GLIPR1: variants seen among roughly 807,000 people sequenced by gnomAD.
GLIPR1 encodes the protein GLI pathogenesis related 1.
GLIPR1 carries 38 observed loss-of-function variants against 30.3 expected under a neutral mutation model. The observed-to-expected ratio is 1.26, with a 90% CI of 0.97 to 1.65. GLIPR1 has a LOEUF of 1.65. Ranked by LOEUF, GLIPR1 falls within the 40% of genes most tolerant of loss-of-function variation. The pLI is 0.00. For synonymous variants in GLIPR1, 122 were observed against 110.6 expected, an observed-to-expected ratio of 1.10 and a Z score of -0.65; for missense variants, 285 against 326.5, an observed-to-expected ratio of 0.87 and a Z score of 0.98.
In GLIPR1 at chr12:75,503,845, CTGACCA is replaced by C; in HGVS notation, c.*4868_*4873del. 6.9e-7 allele frequency: 1 copy of C among 1,448,090 alleles called. No homozygotes were observed. Among genetic ancestry groups the C allele is most frequent in the Non-Finnish European group, 9.4e-7 (1 of 1,064,642 alleles). The allele number at this position is 1,448,090 out of a possible 1,614,324, so 89.7% of individuals were successfully genotyped here. On this transcript the variant is annotated 3_prime_UTR_variant, in exon 6 of 6. Coordinates refer to ENST00000266659, the MANE Select transcript of GLIPR1 (RefSeq NM_006851.3). ...ACCTGAAATACTTTCAATAAAGTTT[CTGACCA>C]AATACATTAAAATAGATTCTCCTTC...
At chr12:75,487,740 TGTCACAGGAAAGGG>T in intron 2 of GLIPR1, 1 of 456,228 alleles carries the variant, frequency 2.2e-6, no homozygotes, top group Non-Finnish European at 4.4e-6. Flanking sequence ...TCCCTCCAGG[TGTCACAGGAAAGGG>T]GTCGGGATCC....
intron 3 of GLIPR1, chr12:75,494,872 T>TA: frequency 6.6e-6 from 1 of 152,340 alleles, no homozygotes; most frequent in East Asian, 1.9e-4. Flanking sequence ...CCTCTAGCTA[T>TA]ATAATGGGTA....
rs1012329521 is a variant in GLIPR1 at position 75,502,995 on chromosome 12, A to C, written c.*4017A>C. The stretch of plus-strand genomic sequence containing the variant: ...AGACTCCAACCATGGTTGTGGAAAA[A>C]AGAGATGTAGAAAGCAATGAGTTCA... On this transcript the variant is annotated 3_prime_UTR_variant, in exon 6 of 6. Coordinates refer to ENST00000266659, the MANE Select transcript of GLIPR1 (RefSeq NM_006851.3). 4 of 152,000 alleles carry C rather than the reference A, an allele frequency of 2.6e-5. No homozygotes were observed. The highest frequency in any genetic ancestry group is 9.7e-5 in the African/African-American group (4 of 41,410). The allele number at this position is 152,000 out of a possible 1,614,324, so 9.4% of individuals were successfully genotyped here. A position where few individuals can be genotyped will look rare whatever the true frequency, so the allele number is the denominator to read the frequency against.
chr12:75,485,143 C>T (rs2046287643), intron 2 of GLIPR1, among the ~76,000 whole-genome samples: 1 of 152,204 alleles, frequency 6.6e-6, no homozygotes, highest in South Asian at 2.1e-4. Context: ...TTATCCTCAT[C>T]TTCTCTTCAA....
At chr12:75,498,399 A>AT (rs1040568780) in intron 4 of GLIPR1, 17 of 225,814 alleles carry the variant, frequency 7.5e-5, no homozygotes, top group African/African-American at 3.6e-4. Context: ...TTTAATTTTT[A>AT]TTTTTTAAAT....
In GLIPR1 at chr12:75,498,798, G is replaced by C. The variant is rs905074546; in HGVS notation, c.647-26G>C. 3.7e-6 allele frequency: 6 copies of C among 1,611,646 alleles called. No individual in the cohort carries two copies. The African/African-American group carries it at 8.0e-5, about 22-fold the overall frequency. ...GTGCATTATGAGGAACAATGTCTAA[G>C]AGGATATTCTATGTTTGTTTCACAG... On this transcript the variant is annotated intron_variant, in intron 5 of 5. Coordinates refer to ENST00000266659, the MANE Select transcript of GLIPR1 (RefSeq NM_006851.3).
In GLIPR1 at chr12:75,503,728, G is replaced by T; in HGVS notation, c.*4750G>T. ...TGAACGCCCCACTGCACACCCCCAT[G>T]CACTCAGCTCAAAATATGCCTATTT... On this transcript the variant is annotated 3_prime_UTR_variant, in exon 6 of 6. Transcript: ENST00000266659. 2.0e-6 allele frequency: 1 copy of T among 501,008 alleles called. No individual in the cohort carries two copies. The highest frequency in any genetic ancestry group is 3.4e-6 in the Non-Finnish European group (1 of 290,230). 31.0% of individuals were successfully genotyped at this position (501,008 alleles called of 1,614,324 possible). A position where few individuals can be genotyped will look rare whatever the true frequency, so the allele number is the denominator to read the frequency against.
At chr12:75,483,287 A>T (rs2120496059) in intron 2 of GLIPR1, among the ~76,000 whole-genome samples, 1 of 152,338 alleles carries the variant, frequency 6.6e-6, no homozygotes, top group East Asian at 1.9e-4. Context: ...TACAAGTGGT[A>T]CTTGTACTGT....
Position 75,480,905 on chromosome 12 carries a change from G to A in GLIPR1, c.25G>A (p.Ala9Thr). 6.2e-7 allele frequency: 1 copy of A among 1,613,310 alleles called. No homozygotes were observed. The highest frequency in any genetic ancestry group is 8.5e-7 in the Non-Finnish European group (1 of 1,179,566). The change falls in exon 1 of 6, where the codon GCC (alanine) becomes ACC (threonine). Residue 9 changes from alanine (A) to threonine (T), a missense_variant. By Grantham distance (58) the Ala-to-Thr change is moderately conservative. Coordinates refer to ENST00000266659, the MANE Select transcript of GLIPR1 (RefSeq NM_006851.3). ...CATGCGTGTCACACTTGCTACAATA[G>A]CCTGGATGGTTTCTTTTGTCTCCAA... is the stretch of plus-strand genomic sequence containing the variant. MRVTLATI[A>T]WMVSFVSNYS...
At position 75,495,574 on chromosome 12, in the gene GLIPR1, C is replaced by T; in HGVS notation, c.534-3C>T. On this transcript the variant is annotated splice_polypyrimidine_tract_variant and splice_region_variant and intron_variant, in intron 3 of 5. Coordinates refer to ENST00000266659, the MANE Select transcript of GLIPR1 (RefSeq NM_006851.3). ...TAATGGACATCCTTCTTCTGCTTTA[C>T]AGAGGGAATTACCCAACTTGGCCAT... 1 of 1,570,360 alleles carries T rather than the reference C, an allele frequency of 6.4e-7. No homozygotes were observed. Among genetic ancestry groups the T allele is most frequent in the South Asian group, 1.1e-5 (1 of 90,154 alleles).
chr12:75,488,133 G>C (rs1384270060), intron 2 of GLIPR1, among the ~76,000 whole-genome samples: 1 of 152,112 alleles, frequency 6.6e-6, no homozygotes, highest in Non-Finnish European at 1.5e-5. Context: ...CAAGGTCTTT[G>C]ACCTGTATCT....
chr12:75,495,850 GTTCT>G (rs2046347499), intron 4 of GLIPR1, 188 bp downstream of exon 4: 2 of 412,586 alleles, frequency 4.8e-6, no homozygotes, highest in Non-Finnish European at 8.8e-6. Context: ...TGAAAATCAC[GTTCT>G]TTTTATTTAG....
Position 75,501,755 on chromosome 12 carries a change from G to A in GLIPR1, c.*2777G>A. On this transcript the variant is annotated 3_prime_UTR_variant, in exon 6 of 6. Transcript: ENST00000266659. ...AGGTTTCACAATTGGTTTTTCCTTAGGTGGAATAAATGCTTTGTTTCTTTC... is the reference window on the plus strand; with the variant it reads ...AGGTTTCACAATTGGTTTTTCCTTAAGTGGAATAAATGCTTTGTTTCTTTC... 6.2e-7 allele frequency: 1 copy of A among 1,610,528 alleles called. No individual in the cohort carries two copies. The highest frequency in any genetic ancestry group is 8.5e-7 in the Non-Finnish European group (1 of 1,177,982).
At chr12:75,485,068 C>A (rs1331558345) in intron 2 of GLIPR1, among the ~76,000 whole-genome samples, 1 of 152,188 alleles carries the variant, frequency 6.6e-6, no homozygotes, top group Non-Finnish European at 1.5e-5. Flanking sequence ...GGACTCAAAA[C>A]TACTCAATTG....
At chr12:75,491,527 C>A (rs1209099600) in intron 3 of GLIPR1, 2 of 152,206 alleles carry the variant, frequency 1.3e-5, no homozygotes, top group Non-Finnish European at 2.9e-5. Flanking sequence ...GAGATACTAG[C>A]ACGTAAAGAC....
At chr12:75,498,662 A>ATT in intron 4 of GLIPR1, 32 bp from the exon 5 acceptor site, 1 of 1,585,710 alleles carries the variant, frequency 6.3e-7, no homozygotes, top group Non-Finnish European at 8.7e-7. Context: ...TACCCTTTTA[A>ATT]TTTTTTTTCT....
At chr12:75,487,335 A>G (rs1025264196) in intron 2 of GLIPR1, among the ~76,000 whole-genome samples, 24 of 152,244 alleles carry the variant, frequency 1.6e-4, no homozygotes, top group African/African-American at 5.8e-4. Flanking sequence ...TGAGATATAG[A>G]ATAAAATTAA....
At chr12:75,495,393 G>A (rs77433218) in intron 3 of GLIPR1, 184 bp from the exon 4 acceptor site, 5,599 of 548,458 alleles carry the variant, frequency 0.01, 245 homozygotes, top group African/African-American at 0.096. Flanking sequence ...CAGGTACATA[G>A]AATGAACTAT....
rs1172650833 is a variant in GLIPR1, at chr12:75,499,539, A to G, written c.*561A>G. ...AGGGAACATCAAATGCTGGGACATCATTACTAACCAATAGCATCAGACACT... is the reference window on the plus strand; with the variant it reads ...AGGGAACATCAAATGCTGGGACATCGTTACTAACCAATAGCATCAGACACT... On this transcript the variant is annotated 3_prime_UTR_variant, in exon 6 of 6. Transcript: ENST00000266659. The G allele has an allele frequency of 4.9e-6, 1 of 205,972 alleles. No individual in the cohort carries two copies. Among genetic ancestry groups the G allele is most frequent in the Non-Finnish European group, 9.5e-6 (1 of 105,224 alleles). The allele number at this position is 205,972 out of a possible 1,614,324, so 12.8% of individuals were successfully genotyped here.
Sources: gnomAD v4.1 joint callset for allele counts (sites outside exome capture counted in the v4.1 genomes callset) on GRCh38, gnomAD v4.1.1 for gene constraint, MANE v1.5 for transcripts, NCBI Gene and HGNC (gene_info 2026-07-23, HGNC 2026-07-21) for gene names.